Variants in NLGN1 observed in about 807,000 individuals in gnomAD.
NLGN1 encodes the protein neuroligin-1.
NLGN1 carries 12 observed loss-of-function variants against 65.5 expected under a neutral mutation model. The ratio of observed to expected loss-of-function variants is 0.18; its 90% CI spans 0.12 to 0.30. NLGN1 has a LOEUF of 0.30. NLGN1 is among the 10% of genes least tolerant of loss of function. NLGN1 has a pLI of 1.00. For synonymous variants in NLGN1, 350 were observed against 359.5 expected (o/e 0.97, Z 0.30); for missense variants, 750 against 1,007.1 (o/e 0.74, Z 3.46).
intron 3 of NLGN1, chr3:173,790,022 G>T (rs2150360596): frequency 2.7e-6 from 1 of 369,732 alleles, no homozygotes; most frequent in East Asian, 8.4e-5. Flanking sequence ...TACCATAGGA[G>T]GCACATCTTG....
chr3:173,568,071 C>G (rs1401823789), intron 2 of NLGN1, among the ~76,000 whole-genome samples: 1 of 152,092 alleles, frequency 6.6e-6, no homozygotes, highest in Non-Finnish European at 1.5e-5. Context: ...TACATTACCT[C>G]AAAAAATAAT....
intron 3 of NLGN1, among the ~76,000 whole-genome samples, chr3:173,757,270 A>C (rs1578284894): frequency 6.6e-6 from 1 of 152,050 alleles, no homozygotes; most frequent in African/African-American, 2.4e-5. Flanking sequence ...AGAATCACTT[A>C]AAGCAGGAAA....
intron 3 of NLGN1, among the ~76,000 whole-genome samples, chr3:173,673,250 TAA>T (rs2149744812): frequency 6.6e-6 from 1 of 152,340 alleles, no homozygotes; most frequent in East Asian, 1.9e-4. Flanking sequence ...TAATTTATGT[TAA>T]GTCATTCCTT....
At chr3:173,694,185 CTCTT>C (rs1471218932) in intron 3 of NLGN1, among the ~76,000 whole-genome samples, 4 of 151,974 alleles carry the variant, frequency 2.6e-5, no homozygotes, top group Non-Finnish European at 5.9e-5. Flanking sequence ...TTTTCTCTCT[CTCTT>C]TGTCTTCTGA....
At chr3:173,416,272 T>C (rs905381969) in intron 1 of NLGN1, among the ~76,000 whole-genome samples, 4 of 152,226 alleles carry the variant, frequency 2.6e-5, no homozygotes, top group African/African-American at 4.8e-5. Context: ...CTTATCCCTC[T>C]AAGCCTCATT....
chr3:174,120,037 A>G (rs925906922), intron 4 of NLGN1, among the ~76,000 whole-genome samples: 2 of 152,248 alleles, frequency 1.3e-5, no homozygotes, highest in Non-Finnish European at 2.9e-5. Context: ...CAAAATGTCC[A>G]TTGACATTAA....
intron 3 of NLGN1, among the ~76,000 whole-genome samples, chr3:173,747,795 C>CTTCTTTTTTTTTTTTTTT (rs1560289220): frequency 2.8e-4 from 22 of 78,574 alleles, no homozygotes; most frequent in African/African-American, 1.4e-3. Flanking sequence ...TCTTCTTCTT[C>CTTCTTTTTTTTTTTTTTT]TTGTTCTTTT....
intron 3 of NLGN1, among the ~76,000 whole-genome samples, chr3:173,686,811 G>T (rs551403164): frequency 6.6e-6 from 1 of 152,182 alleles, no homozygotes; most frequent in East Asian, 1.9e-4. Flanking sequence ...AAATTAGCGG[G>T]GTGTGGTGGC....
At chr3:173,969,076 T>A (rs866376453) in intron 4 of NLGN1, among the ~76,000 whole-genome samples, 5 of 152,102 alleles carry the variant, frequency 3.3e-5, no homozygotes, top group Non-Finnish European at 5.9e-5. Context: ...AAAAAAAAAA[T>A]TTGTTACTGT....
chr3:174,093,276 A>T (rs1269593263), intron 4 of NLGN1, among the ~76,000 whole-genome samples: 1 of 152,242 alleles, frequency 6.6e-6, no homozygotes, highest in Non-Finnish European at 1.5e-5. Context: ...TTAACCAGAT[A>T]CAAAAATTCT....
At chr3:174,278,051 C>T (rs1445525047) in intron 5 of NLGN1, among the ~76,000 whole-genome samples, 1 of 151,914 alleles carries the variant, frequency 6.6e-6, no homozygotes, top group Non-Finnish European at 1.5e-5. Flanking sequence ...ATGGAACCAT[C>T]ATTTACAATT....
At chr3:174,194,815 CAGAA>C (rs1234312752) in intron 4 of NLGN1, among the ~76,000 whole-genome samples, 16 of 147,294 alleles carry the variant, frequency 1.1e-4, no homozygotes, top group Admixed American at 7.4e-4. Flanking sequence ...AAATGAGACC[CAGAA>C]AGAAAGTTTC....
Position 173,688,627 on chromosome 3 carries a change from A to G in NLGN1, c.493+83536A>G, listed in dbSNP as rs887577938. On this transcript the variant is annotated intron_variant, in intron 3 of 6. Transcript: ENST00000457714. ...AACACATGGCAGACACTACGTTATTAAAGATACCACAGGCAAGTCACGTGG... is the reference window on the plus strand; with the variant it reads ...AACACATGGCAGACACTACGTTATTGAAGATACCACAGGCAAGTCACGTGG... Among the ~76,000 whole-genome samples, 4 of 152,212 alleles carry G rather than the reference A, an allele frequency of 2.6e-5. No homozygotes were observed. In the East Asian group the frequency reaches 5.8e-4, roughly 22 times the overall value.
intron 4 of NLGN1, among the ~76,000 whole-genome samples, chr3:173,822,573 A>C (rs186815739): frequency 6.6e-6 from 1 of 152,246 alleles, no homozygotes; most frequent in Admixed American, 6.5e-5. Context: ...TTAGATCCTT[A>C]TTATGTATAT....
intron 2 of NLGN1, among the ~76,000 whole-genome samples, chr3:173,533,126 T>G (rs915618138): frequency 6.6e-6 from 1 of 152,226 alleles, no homozygotes; most frequent in African/African-American, 2.4e-5. Context: ...ATTATTAGAT[T>G]TAATCTTTAG....
intron 3 of NLGN1, among the ~76,000 whole-genome samples, chr3:173,795,720 G>A (rs374233697): frequency 2.6e-5 from 4 of 151,994 alleles, no homozygotes; most frequent in African/African-American, 9.6e-5. Flanking sequence ...ATTGTTCTCC[G>A]GAATACACAT....
chr3:174,012,861 TA>T (rs1363194012), intron 4 of NLGN1, among the ~76,000 whole-genome samples: 3 of 152,194 alleles, frequency 2.0e-5, no homozygotes, highest in Non-Finnish European at 4.4e-5. Flanking sequence ...GATTTGGATA[TA>T]ACAGTTAAGC....
At chr3:173,678,136 C>T (rs938794787) in intron 3 of NLGN1, among the ~76,000 whole-genome samples, 4 of 152,044 alleles carry the variant, frequency 2.6e-5, no homozygotes, top group Non-Finnish European at 5.9e-5. Context: ...ATCTAGTCAA[C>T]CTGAGCGTCC....
At chr3:173,559,305 A>G (rs1333244145) in intron 2 of NLGN1, among the ~76,000 whole-genome samples, 6 of 152,172 alleles carry the variant, frequency 3.9e-5, no homozygotes, top group Non-Finnish European at 8.8e-5. Flanking sequence ...TGATCTACAT[A>G]CAGTCTACCT....
Sources: gnomAD v4.1 joint callset for allele counts (sites outside exome capture counted in the v4.1 genomes callset) on GRCh38, gnomAD v4.1.1 for gene constraint, MANE v1.5 for transcripts, NCBI Gene and HGNC (gene_info 2026-07-23, HGNC 2026-07-21) for gene names.